SOX5: variants seen among roughly 807,000 people sequenced by gnomAD.
SOX5 encodes SRY-box transcription factor 5.
In SOX5, 9 loss-of-function variants were observed where a neutral mutation model predicts 92.0. The observed-to-expected ratio is 0.10, with a 90% CI of 0.06 to 0.17. The LOEUF (loss-of-function observed/expected upper bound fraction) is 0.17. Ranked by LOEUF, SOX5 falls within the 10% of genes least tolerant of loss-of-function variation. The pLI is 1.00. For missense variants in SOX5, 642 were observed against 944.5 expected, an observed-to-expected ratio of 0.68 and a Z score of 4.20; for synonymous variants, 344 against 336.3, an observed-to-expected ratio of 1.02 and a Z score of -0.25.
intron 9 of SOX5, among the ~76,000 whole-genome samples, chr12:23,592,320 T>G (rs1951685736): frequency 1.3e-5 from 2 of 152,256 alleles, no homozygotes; most frequent in African/African-American, 2.4e-5. Flanking sequence ...GATCCTCATC[T>G]TTTTAAAAAC....
chr12:24,056,316 T>C (rs1391349545), intron 4 of SOX5, among the ~76,000 whole-genome samples: 3 of 152,192 alleles, frequency 2.0e-5, no homozygotes. Flanking sequence ...TGTTTTGACA[T>C]GAAATGCTAA....
rs1350353557 is a variant in SOX5 at position 23,534,588 on chromosome 12, A to G, written c.1989-66T>C. On this transcript the variant is annotated intron_variant, in intron 14 of 14. Coordinates refer to ENST00000451604, the MANE Select transcript of SOX5 (RefSeq NM_006940.6). ...TGAATAGTTAGATGTGGACTTTACT[A>G]CATAATTAATTTGCTCAGCAATGTC... 9 of 1,281,216 alleles carry G rather than the reference A, an allele frequency of 7.0e-6. No homozygotes were observed. In the East Asian group the frequency reaches 2.2e-4, roughly 31 times the overall value. 79.4% of individuals were successfully genotyped at this position (1,281,216 alleles called of 1,614,324 possible).
chr12:24,329,443 G>T (rs1951055546), intron 2 of SOX5, among the ~76,000 whole-genome samples: 1 of 152,086 alleles, frequency 6.6e-6, no homozygotes, highest in Non-Finnish European at 1.5e-5. Context: ...AACAACATGG[G>T]GGAAAAGGCC....
At chr12:24,272,126 A>G (rs1223639658) in intron 3 of SOX5, among the ~76,000 whole-genome samples, 2 of 152,232 alleles carry the variant, frequency 1.3e-5, no homozygotes, top group Non-Finnish European at 2.9e-5. Context: ...TGAATATGGT[A>G]TATCTCATCA....
intron 2 of SOX5, among the ~76,000 whole-genome samples, chr12:24,343,411 A>G (rs1427047439): frequency 6.6e-6 from 1 of 151,728 alleles, no homozygotes; most frequent in Non-Finnish European, 1.5e-5. Flanking sequence ...CAGGTAAGCT[A>G]AACTGAGGAC....
chr12:23,645,258 G>C (rs2080677610), intron 7 of SOX5, among the ~76,000 whole-genome samples: 1 of 152,106 alleles, frequency 6.6e-6, no homozygotes, highest in South Asian at 2.1e-4. Flanking sequence ...ATGGAGGGGA[G>C]GAGAGACCTT....
chr12:24,328,932 C>G (rs534101798), intron 2 of SOX5, among the ~76,000 whole-genome samples: 1 of 152,178 alleles, frequency 6.6e-6, no homozygotes, highest in African/African-American at 2.4e-5. Flanking sequence ...TGTAGTACTA[C>G]AGAAACATGC....
At position 24,216,243 on chromosome 12, in the gene SOX5, G is replaced by A. The variant is rs193153386; in HGVS notation, c.-76-2826C>T. Among the ~76,000 whole-genome samples the A allele has an allele frequency of 3.8e-4, 58 of 152,266 alleles. No individual in the cohort carries two copies. In the East Asian group the frequency reaches 0.01, roughly 26 times the overall value. On this transcript the variant is annotated intron_variant, in intron 3 of 4. Coordinates refer to the SOX5 transcript ENST00000446891. ...TTACGCCTGTAATCCCAGCACTTTG[G>A]GAGGCCGAGGCGGACGGATCACGAG...
chr12:23,539,522 C>T (rs1289635494), intron 13 of SOX5, among the ~76,000 whole-genome samples: 2 of 149,566 alleles, frequency 1.3e-5, no homozygotes, highest in African/African-American at 5.0e-5. Flanking sequence ...AAGAGAAGAG[C>T]ATCCTATTGA....
intron 2 of SOX5, among the ~76,000 whole-genome samples, chr12:24,297,382 GTTCTC>G (rs1453970488): frequency 6.6e-6 from 1 of 152,128 alleles, no homozygotes; most frequent in African/African-American, 2.4e-5. Flanking sequence ...AAAACAAACT[GTTCTC>G]TTCTTTCTCC....
At chr12:24,441,495 A>C (rs1247236527) in intron 1 of SOX5, among the ~76,000 whole-genome samples, 1 of 152,156 alleles carries the variant, frequency 6.6e-6, no homozygotes, top group Non-Finnish European at 1.5e-5. Flanking sequence ...TGTTTTTACT[A>C]TTGCATATTA....
At chr12:23,626,766 G>C (rs1387319644) in intron 8 of SOX5, among the ~76,000 whole-genome samples, 1 of 149,624 alleles carries the variant, frequency 6.7e-6, no homozygotes, top group Non-Finnish European at 1.5e-5. Context: ...AAACTTGAGT[G>C]CTAAGTAGGT....
intron 2 of SOX5, among the ~76,000 whole-genome samples, chr12:24,279,775 A>T (rs1944940219): frequency 6.6e-6 from 1 of 152,180 alleles, no homozygotes; most frequent in Admixed American, 6.5e-5. Flanking sequence ...TAATTTTGGC[A>T]ACTCTTATTA....
intron 1 of SOX5, among the ~76,000 whole-genome samples, chr12:24,399,922 T>C (rs1228453556): frequency 6.6e-6 from 1 of 152,238 alleles, no homozygotes; most frequent in South Asian, 2.1e-4. Flanking sequence ...AAATATCCTA[T>C]GTACTGGTAG....
chr12:24,218,464 A>C (rs1427991955), intron 3 of SOX5, among the ~76,000 whole-genome samples: 1 of 152,172 alleles, frequency 6.6e-6, no homozygotes, highest in Non-Finnish European at 1.5e-5. Context: ...ACGGCTACCT[A>C]GAGTTATGGG....
At chr12:24,414,669 C>T (rs1964701676) in intron 1 of SOX5, among the ~76,000 whole-genome samples, 2 of 152,184 alleles carry the variant, frequency 1.3e-5, no homozygotes, top group Non-Finnish European at 2.9e-5. Flanking sequence ...GCAAAACACT[C>T]CAATAGGGAA....
chr12:24,328,075 T>A (rs1595623801), intron 2 of SOX5, among the ~76,000 whole-genome samples: 1 of 152,212 alleles, frequency 6.6e-6, no homozygotes, highest in Non-Finnish European at 1.5e-5. Context: ...ACCACATCTA[T>A]CTTTCTACAA....
At chr12:24,163,021 C>T (rs776074163) in intron 4 of SOX5, among the ~76,000 whole-genome samples, 11 of 152,114 alleles carry the variant, frequency 7.2e-5, no homozygotes, top group Non-Finnish European at 1.3e-4. Context: ...TGCTGTGAGC[C>T]TCTTCCTAAC....
Position 23,533,365 on chromosome 12 carries a change from A to C in SOX5, c.*854T>G, listed in dbSNP as rs1299998037. The C allele has an allele frequency of 4.1e-6, 1 of 242,212 alleles. No homozygotes were observed. Among genetic ancestry groups the C allele is most frequent in the Non-Finnish European group, 8.7e-6 (1 of 115,448 alleles). The allele number at this position is 242,212 out of a possible 1,614,324, so 15.0% of individuals were successfully genotyped here. ...ACCTACAGTTTCCATTAAAAAAAAA[A>C]GTCAAATCTCACCAGCTGCTGGTAT... On this transcript the variant is annotated 3_prime_UTR_variant, in exon 15 of 15. Coordinates refer to ENST00000451604, the MANE Select transcript of SOX5 (RefSeq NM_006940.6).
Sources: allele counts gnomAD v4.1 joint callset (sites outside exome capture counted in the v4.1 genomes callset), GRCh38; gene constraint gnomAD v4.1.1; transcripts MANE v1.5; gene names NCBI Gene and HGNC (gene_info 2026-07-23, HGNC 2026-07-21).